Variants in CAMKMT observed in about 807,000 individuals in gnomAD.
The protein encoded by CAMKMT is calmodulin-lysine N-methyltransferase, also known as CaM KMT.
Under a neutral mutation model 48.0 loss-of-function variants are expected in CAMKMT, and 53 were observed. The ratio of observed to expected loss-of-function variants is 1.10; its 90% CI spans 0.89 to 1.39. CAMKMT has a LOEUF of 1.39. Among genes scored for constraint, CAMKMT ranks in the 40% most tolerant of loss-of-function variants. The pLI is 0.00. For synonymous variants in CAMKMT, 165 were observed against 152.3 expected (o/e 1.08, Z -0.61); for missense variants, 428 against 402.7 (o/e 1.06, Z -0.54).
chr2:44,683,580 G>A (rs1191904660), intron 3 of CAMKMT, among the ~76,000 whole-genome samples: 3 of 152,092 alleles, frequency 2.0e-5, no homozygotes, highest in African/African-American at 7.2e-5. Context: ...CAGCACTTTG[G>A]GAGGCCGAGG....
chr2:44,738,444 A>C (rs912223100), intron 7 of CAMKMT, among the ~76,000 whole-genome samples: 1 of 152,214 alleles, frequency 6.6e-6, no homozygotes, highest in African/African-American at 2.4e-5. Context: ...TTTTAAGTGG[A>C]CTTCATATCT....
chr2:44,518,621 G>C (rs1670949961), intron 3 of CAMKMT, among the ~76,000 whole-genome samples: 3 of 152,300 alleles, frequency 2.0e-5, no homozygotes, highest in East Asian at 3.9e-4. Context: ...CCTTTGCAGA[G>C]TTTTTTAAAA....
chr2:44,513,723 T>C (rs1208377892), intron 3 of CAMKMT, among the ~76,000 whole-genome samples: 1 of 152,184 alleles, frequency 6.6e-6, no homozygotes, highest in African/African-American at 2.4e-5. Context: ...GGATGTTGAC[T>C]TATTCTGACA....
At position 44,478,477 on chromosome 2, in the gene CAMKMT, G is replaced by T. The variant is rs79774712; in HGVS notation, c.376+88172G>T. Among the ~76,000 whole-genome samples the T allele has an allele frequency of 3.1e-3, 472 of 152,188 alleles. 8 individuals are homozygous for T. Among genetic ancestry groups the T allele is most frequent in the East Asian group, 0.025 (132 of 5,180 alleles). ...ATTTTCTGTTACAAGATTTTCTTTAGTTTATAGACCTACTTTACCTTGGCT... is the reference window on the plus strand; with the variant it reads ...ATTTTCTGTTACAAGATTTTCTTTATTTTATAGACCTACTTTACCTTGGCT... On this transcript the variant is annotated intron_variant, in intron 3 of 10. Transcript: ENST00000378494.
chr2:44,631,916 AC>A (rs1672855308), intron 3 of CAMKMT, among the ~76,000 whole-genome samples: 1 of 152,178 alleles, frequency 6.6e-6, no homozygotes, highest in African/African-American at 2.4e-5. Flanking sequence ...ATTTATATTC[AC>A]CTTCACATAA....
intron 3 of CAMKMT, among the ~76,000 whole-genome samples, chr2:44,656,880 A>G (rs1258324081): frequency 2.0e-5 from 3 of 152,182 alleles, no homozygotes; most frequent in African/African-American, 2.4e-5. Flanking sequence ...ATCCCTCTCA[A>G]ATACACTGGA....
In CAMKMT at chr2:44,563,111, C is replaced by CGGGCATGCACCCG. The variant is rs1195446936; in HGVS notation, c.377-141172_377-141171insGGGCATGCACCCG. On this transcript the variant is annotated intron_variant, in intron 3 of 10. Coordinates refer to ENST00000378494, the MANE Select transcript of CAMKMT (RefSeq NM_024766.5). Reference sequence around the variant, plus strand: ...ATAAGGCCGAGAGATTAAATTAAAACTTACAAGGTTTACTTTTATTGAATT... The same window carrying CGGGCATGCACCCG: ...ATAAGGCCGAGAGATTAAATTAAAACGGGCATGCACCCGTTACAAGGTTTACTTTTATTGAATT... 1.2e-3 allele frequency among the ~76,000 whole-genome samples: 175 copies of CGGGCATGCACCCG among 151,998 alleles called. 2 individuals are homozygous for CGGGCATGCACCCG. The highest frequency in any genetic ancestry group is 3.1e-3 in the South Asian group (15 of 4,790).
chr2:44,429,121 T>A (rs943310221), intron 3 of CAMKMT, among the ~76,000 whole-genome samples: 1 of 152,162 alleles, frequency 6.6e-6, no homozygotes, highest in Non-Finnish European at 1.5e-5. Context: ...CCAGTGAAAT[T>A]GTTTCTTATC....
intron 3 of CAMKMT, among the ~76,000 whole-genome samples, chr2:44,419,421 G>T (rs1412678798): frequency 2.0e-5 from 3 of 152,184 alleles, no homozygotes; most frequent in Non-Finnish European, 4.4e-5. Flanking sequence ...CTTGAACTCA[G>T]CAGTTCTAGT....
intron 3 of CAMKMT, among the ~76,000 whole-genome samples, chr2:44,410,446 A>G: frequency 6.7e-6 from 1 of 149,844 alleles, no homozygotes; most frequent in Non-Finnish European, 1.5e-5. Flanking sequence ...TTTTTAGTAA[A>G]GATGGGGTTT....
intron 3 of CAMKMT, among the ~76,000 whole-genome samples, chr2:44,447,310 C>T (rs1202862322): frequency 1.3e-5 from 2 of 152,252 alleles, no homozygotes; most frequent in South Asian, 2.1e-4. Flanking sequence ...TTATTCTCCT[C>T]GTTTTATGTA....
rs1438496059 is a variant in CAMKMT at position 44,463,950 on chromosome 2, A to G, written c.376+73645A>G. On this transcript the variant is annotated intron_variant, in intron 3 of 10. Coordinates refer to ENST00000378494, the MANE Select transcript of CAMKMT (RefSeq NM_024766.5). ...TAACAAGGCACACAAAGAAACAGGGAAATCAGTCAAAGAAACAAAATAAAT... is the reference window on the plus strand; with the variant it reads ...TAACAAGGCACACAAAGAAACAGGGGAATCAGTCAAAGAAACAAAATAAAT... Among the ~76,000 whole-genome samples the G allele has an allele frequency of 2.0e-5, 3 of 152,212 alleles. No individual in the cohort carries two copies. The East Asian group carries it at 5.8e-4, about 29-fold the overall frequency.
rs117798674 is a variant in CAMKMT at position 44,526,746 on chromosome 2, C to A, written c.376+136441C>A. ...TACAGTCTACTGATTCAAATGCTAA[C>A]CTTTTCTGGAGGGTTCCCAGGCACA... is the stretch of plus-strand genomic sequence containing the variant. On this transcript the variant is annotated intron_variant, in intron 3 of 10. Coordinates refer to ENST00000378494, the MANE Select transcript of CAMKMT (RefSeq NM_024766.5). Among the ~76,000 whole-genome samples, 118 of 152,224 alleles carry A rather than the reference C, an allele frequency of 7.8e-4. 1 individual carries two copies. In the East Asian group the frequency reaches 0.011, roughly 15 times the overall value.
intron 3 of CAMKMT, among the ~76,000 whole-genome samples, chr2:44,530,761 T>C (rs1029987472): frequency 7.2e-5 from 11 of 152,244 alleles, no homozygotes; most frequent in African/African-American, 2.2e-4. Context: ...GGATATCTGA[T>C]GCATTTTAAG....
intron 3 of CAMKMT, among the ~76,000 whole-genome samples, chr2:44,460,429 A>G (rs1667788443): frequency 6.6e-6 from 1 of 152,170 alleles, no homozygotes; most frequent in African/African-American, 2.4e-5. Flanking sequence ...GAGTCTTTTT[A>G]GTGATTGATT....
chr2:44,432,161 C>T (rs773198395), intron 3 of CAMKMT, among the ~76,000 whole-genome samples: 1 of 152,160 alleles, frequency 6.6e-6, no homozygotes, highest in Non-Finnish European at 1.5e-5. Flanking sequence ...GTAGTGGTTA[C>T]TGAGGGTTTC....
Position 44,627,697 on chromosome 2 carries a change from CTTTTTTTTTTTT to C in CAMKMT, c.377-76567_377-76556del, listed in dbSNP as rs1174344846. On this transcript the variant is annotated intron_variant, in intron 3 of 10. Coordinates refer to ENST00000378494, the MANE Select transcript of CAMKMT (RefSeq NM_024766.5). ...TTATTTATAATGGTCCCATTTTATCCTTTTTTTTTTTTTTTTTTTTTTTTTTTTTTGAGATGG... is the reference window on the plus strand; with the variant it reads ...TTATTTATAATGGTCCCATTTTATCCTTTTTTTTTTTTTTTTTTGAGATGG... Among the ~76,000 whole-genome samples, 144 of 75,092 alleles carry C rather than the reference CTTTTTTTTTTTT, an allele frequency of 1.9e-3. 2 individuals carry two copies. The highest frequency in any genetic ancestry group is 2.7e-3 in the Non-Finnish European group (112 of 41,768). The allele number at this position is 75,092 out of a possible 152,430, so 49.3% of individuals were successfully genotyped here.
At chr2:44,377,348 G>GTTT (rs1679803661) in intron 2 of CAMKMT, among the ~76,000 whole-genome samples, 1 of 152,118 alleles carries the variant, frequency 6.6e-6, no homozygotes. Context: ...AGAGGCTCTT[G>GTTT]TTATTAGATA....
At chr2:44,365,015 T>C (rs1572630065) in intron 1 of CAMKMT, among the ~76,000 whole-genome samples, 1 of 152,228 alleles carries the variant, frequency 6.6e-6, no homozygotes. Flanking sequence ...GAAGTGAATA[T>C]TTTTCTATTA....
Sources: gnomAD v4.1 joint callset for allele counts (sites outside exome capture counted in the v4.1 genomes callset) on GRCh38, gnomAD v4.1.1 for gene constraint, MANE v1.5 for transcripts, NCBI Gene and HGNC (gene_info 2026-07-23, HGNC 2026-07-21) for gene names.